Variants in U2SURP observed in about 807,000 individuals in gnomAD.
The protein encoded by U2SURP is U2 snRNP associated SURP domain containing.
In U2SURP, 9 loss-of-function variants were observed where a neutral mutation model predicts 144.9. That is an observed-to-expected ratio of 0.06 (90% confidence interval 0.04 to 0.11). U2SURP has a LOEUF of 0.11. Ranked by LOEUF, U2SURP falls within the 10% of genes least tolerant of loss-of-function variation. The pLI is 1.00. For synonymous variants in U2SURP, 408 were observed against 396.8 expected (o/e 1.03, Z -0.33); for missense variants, 724 against 1,226.7 (o/e 0.59, Z 6.12).
chr3:143,009,438 A>G (rs1936007319), intron 1 of U2SURP, among the ~76,000 whole-genome samples: 1 of 152,096 alleles, frequency 6.6e-6, no homozygotes, highest in African/African-American at 2.4e-5. Flanking sequence ...TCTCTACTAA[A>G]AATACAAAAA....
intron 20 of U2SURP, 123 bp from the exon 21 acceptor site, chr3:143,037,056 A>G: frequency 1.1e-6 from 1 of 893,472 alleles, no homozygotes; most frequent in South Asian, 1.8e-5. Context: ...ATATGTTCTT[A>G]CATTGTACCT....
chr3:143,058,476 T>C lies in U2SURP; in HGVS notation c.*2026T>C, dbSNP rs1390569772. 1 of 151,900 alleles carries C rather than the reference T, an allele frequency of 6.6e-6. No homozygotes were observed. Among genetic ancestry groups the C allele is most frequent in the Non-Finnish European group, 1.5e-5 (1 of 67,814 alleles). 9.4% of individuals were successfully genotyped at this position (151,900 alleles called of 1,614,324 possible). A position where few individuals can be genotyped will look rare whatever the true frequency, so the allele number is the denominator to read the frequency against. On this transcript the variant is annotated 3_prime_UTR_variant, in exon 28 of 28. Coordinates refer to ENST00000473835, the MANE Select transcript of U2SURP (RefSeq NM_001080415.2). The stretch of plus-strand genomic sequence containing the variant: ...TGGTTTATCTTACAGTGGGTGAAAC[T>C]GACTTTCTTTTGGTTGGGTGGGTGA...
intron 1 of U2SURP, among the ~76,000 whole-genome samples, chr3:143,004,605 C>A (rs1214065465): frequency 1.6e-5 from 2 of 124,210 alleles, no homozygotes; most frequent in Non-Finnish European, 3.3e-5. Context: ...TCCCAAAGTG[C>A]GGGGATTATA....
At chr3:143,024,105 A>G in intron 13 of U2SURP, 87 bp downstream of exon 13, 2 of 1,281,490 alleles carry the variant, frequency 1.6e-6, no homozygotes, top group South Asian at 1.2e-5. Flanking sequence ...AGGAAAAGGT[A>G]GTATCTTGAC....
At chr3:143,016,134 T>G in intron 4 of U2SURP, 123 bp from the exon 5 acceptor site, 1 of 671,510 alleles carries the variant, frequency 1.5e-6, no homozygotes, top group Non-Finnish European at 2.5e-6. Context: ...ACGTTATTAC[T>G]TGTTAGGACT....
intron 20 of U2SURP, chr3:143,036,967 G>A (rs1447575709): frequency 5.8e-6 from 3 of 520,148 alleles, no homozygotes; most frequent in East Asian, 3.1e-5. Context: ...GCCTCACAAG[G>A]TACCTGGCAC....
chr3:143,039,821 AAC>A (rs1427834861), intron 23 of U2SURP, among the ~76,000 whole-genome samples: 2 of 151,890 alleles, frequency 1.3e-5, no homozygotes, highest in African/African-American at 4.8e-5. Context: ...AGGCTATAGA[AAC>A]ACAGTTTGAT....
At chr3:143,036,883 C>T (rs926668274) in intron 20 of U2SURP, 10 of 345,496 alleles carry the variant, frequency 2.9e-5, no homozygotes, top group Non-Finnish European at 4.2e-5. Context: ...GGTTCCCCCA[C>T]CCCTGCAAAA....
At chr3:143,027,324 C>A in intron 14 of U2SURP, 71 bp downstream of exon 14, 1 of 1,165,532 alleles carries the variant, frequency 8.6e-7, no homozygotes, top group Non-Finnish European at 1.3e-6. Context: ...TTTAAGTATA[C>A]AGTTCAGTGT....
At chr3:143,020,800 A>G (rs1172539440) in intron 8 of U2SURP, 107 bp downstream of exon 8, 5 of 801,682 alleles carry the variant, frequency 6.2e-6, no homozygotes, top group Middle Eastern at 2.3e-4. Flanking sequence ...GTCTGAAACC[A>G]TGGATATATA....
At position 143,023,062 on chromosome 3, in the gene U2SURP, A is replaced by G; in HGVS notation, c.1228A>G (p.Lys410Glu). 1.3e-6 allele frequency: 2 copies of G among 1,594,182 alleles called. No individual in the cohort carries two copies. Among genetic ancestry groups the G allele is most frequent in the Non-Finnish European group, 1.7e-6 (2 of 1,170,862 alleles). Residue 410 changes from lysine to glutamate, a missense_variant and splice_region_variant, in exon 12 of 28, where the codon AAG becomes GAG. Lys to Glu is a moderately conservative substitution (Grantham distance 56, BLOSUM62 1). Around this residue, in one of 13 missense-constraint regions of U2SURP, gnomAD observed 64 missense variants for 164.1 expected, o/e 0.39. Transcript: ENST00000473835. ...ACCTAAAAACAAAGAGGATTTTGAG[A>G]AGGTAATTTAAAAAATGGACATAAG... ...PPPKNKEDFE[K>E]TLSQAIVKVV...
rs1013149746 is a variant in U2SURP, at chr3:143,057,531, G to T, written c.*1081G>T. 2.0e-5 allele frequency: 3 copies of T among 152,054 alleles called. No homozygotes were observed. Among genetic ancestry groups the T allele is most frequent in the Admixed American group, 2.0e-4 (3 of 15,242 alleles). The allele number at this position is 152,054 out of a possible 1,614,324, so 9.4% of individuals were successfully genotyped here. A position where few individuals can be genotyped will look rare whatever the true frequency, so the allele number is the denominator to read the frequency against. On this transcript the variant is annotated 3_prime_UTR_variant, in exon 28 of 28. Transcript: ENST00000473835. ...TGCAAAAAGTTGATTTAAACCATTTGCAGAGTTGAACTCTATTATGAAAAT... is the reference window on the plus strand; with the variant it reads ...TGCAAAAAGTTGATTTAAACCATTTTCAGAGTTGAACTCTATTATGAAAAT...
chr3:143,014,558 A>G, intron 4 of U2SURP, 149 bp downstream of exon 4: 1 of 493,102 alleles, frequency 2.0e-6, no homozygotes, highest in Non-Finnish European at 3.6e-6. Context: ...TACAACATAT[A>G]TTCCTAGGAG....
At position 143,037,185 on chromosome 3, in the gene U2SURP, C is replaced by G. The variant is rs1175928754; in HGVS notation, c.2071C>G (p.Pro691Ala). 3.1e-6 allele frequency: 5 copies of G among 1,610,890 alleles called. No homozygotes were observed. Among genetic ancestry groups the G allele is most frequent in the Non-Finnish European group, 3.4e-6 (4 of 1,178,484 alleles). ...IIEEKETEDVPDDLDGAPIEE... is the reference protein window; with the variant it reads ...IIEEKETEDVADDLDGAPIEE... Reference sequence around the variant, plus strand: ...ATAGTACACATTTCCATAGGATGTTCCAGATGACCTTGATGGTGCCCCCAT... The same window carrying G: ...ATAGTACACATTTCCATAGGATGTTGCAGATGACCTTGATGGTGCCCCCAT... The change falls in exon 21 of 28, where the codon CCA (proline) becomes GCA (alanine). Residue 691 changes from proline to alanine, a missense_variant. Pro to Ala is a conservative substitution (Grantham distance 27). Around this residue, in one of 13 missense-constraint regions of U2SURP, gnomAD observed 116 missense variants for 167.9 expected, o/e 0.69. Coordinates refer to ENST00000473835, the MANE Select transcript of U2SURP (RefSeq NM_001080415.2).
chr3:143,043,979 T>C (rs1560200627), intron 24 of U2SURP, among the ~76,000 whole-genome samples: 1 of 152,044 alleles, frequency 6.6e-6, no homozygotes, highest in Non-Finnish European at 1.5e-5. Context: ...GGTCTTGATC[T>C]CCTGACCTCG....
At chr3:143,047,158 C>A (rs1934534426) in intron 24 of U2SURP, among the ~76,000 whole-genome samples, 1 of 101,214 alleles carries the variant, frequency 9.9e-6, no homozygotes, top group Admixed American at 8.4e-5. Context: ...GACGGGGCGG[C>A]TGGCCAGGCG....
rs1267047305 is a variant in U2SURP, at chr3:143,056,426, A to G, written c.3066A>G (p.Lys1022=). 2 of 1,611,806 alleles carry G rather than the reference A, an allele frequency of 1.2e-6. No individual in the cohort carries two copies. The highest frequency in any genetic ancestry group is 3.4e-5 in the Admixed American group (2 of 59,526). Residue 1022 remains lysine, a synonymous_variant, in exon 28 of 28, where the codon AAA becomes AAG. Coordinates refer to ENST00000473835, the MANE Select transcript of U2SURP (RefSeq NM_001080415.2). ...SQSRSPHRSH[K]KSKKNKH The stretch of plus-strand genomic sequence containing the variant: ...CCAGATCTCCACACAGGTCTCATAA[A>G]AAGTCAAAGAAAAACAAACACTGAC...
At chr3:143,041,804 C>T (rs545522909) in intron 23 of U2SURP, among the ~76,000 whole-genome samples, 4 of 151,920 alleles carry the variant, frequency 2.6e-5, no homozygotes, top group African/African-American at 7.3e-5. Flanking sequence ...GAAGGGCTTG[C>T]GAGATTCAAG....
Position 143,060,388 on chromosome 3 carries a change from T to G in U2SURP, c.*3938T>G, listed in dbSNP as rs1935325099. On this transcript the variant is annotated 3_prime_UTR_variant, in exon 28 of 28. Coordinates refer to ENST00000473835, the MANE Select transcript of U2SURP (RefSeq NM_001080415.2). ...GATTCTATAATTTACTTACTTTTAA[T>G]GTAAGGATTAGATTTATTGTTGAGC... 1 of 152,022 alleles carries G rather than the reference T, an allele frequency of 6.6e-6. No individual in the cohort carries two copies. Among genetic ancestry groups the G allele is most frequent in the Non-Finnish European group, 1.5e-5 (1 of 67,890 alleles). 9.4% of individuals were successfully genotyped at this position (152,022 alleles called of 1,614,324 possible).
Sources: allele counts gnomAD v4.1 joint callset (sites outside exome capture counted in the v4.1 genomes callset), GRCh38; gene constraint gnomAD v4.1.1; regional missense constraint gnomAD v4.1.1; transcripts MANE v1.5; gene names NCBI Gene and HGNC (gene_info 2026-07-23, HGNC 2026-07-21).